RAD51B: variants seen among roughly 807,000 people sequenced by gnomAD.
RAD51B encodes the protein DNA repair protein RAD51 homolog 2.
Under a neutral mutation model 42.2 loss-of-function variants are expected in RAD51B, and 38 were observed. The observed-to-expected ratio is 0.90, with a 90% CI of 0.70 to 1.18. The LOEUF (loss-of-function observed/expected upper bound fraction) is 1.18. Ranked by LOEUF, RAD51B falls within the 50% of genes most tolerant of loss-of-function variation. The probability of loss-of-function intolerance (pLI) is 0.00; values close to 1 mark genes in which losing one functional copy is unlikely to be tolerated. For synonymous variants in RAD51B, 154 were observed against 145.2 expected (o/e 1.06, Z -0.43); for missense variants, 373 against 400.7 (o/e 0.93, Z 0.59).
In RAD51B at chr14:68,655,383, G is replaced by A. The variant is rs1029561341; in HGVS notation, c.*11+4527G>A. Among the ~76,000 whole-genome samples, 2 of 152,144 alleles carry A rather than the reference G, an allele frequency of 1.3e-5. 1 individual carries two copies. Among genetic ancestry groups the A allele is most frequent in the Admixed American group, 1.3e-4 (2 of 15,264 alleles). On this transcript the variant is annotated intron_variant, in intron 11 of 11. Transcript: ENST00000488612. ...CAGGTTTCAGGAACACATGGTGATG[G>A]GGGAGGGGAGGGGCTCAAATAGACG...
chr14:68,353,891 C>T (rs1339973811), intron 8 of RAD51B, among the ~76,000 whole-genome samples: 2 of 152,206 alleles, frequency 1.3e-5, no homozygotes, highest in South Asian at 2.1e-4. Flanking sequence ...AGGCCTTCCA[C>T]GTGGTGGAAC....
At chr14:68,115,520 A>G (rs1366915396) in intron 7 of RAD51B, among the ~76,000 whole-genome samples, 1 of 137,872 alleles carries the variant, frequency 7.3e-6, no homozygotes, top group Non-Finnish European at 1.5e-5. Context: ...CAATGTGCAC[A>G]TGTACCCTAA....
chr14:68,384,498 C>T (rs1313943725), intron 8 of RAD51B, among the ~76,000 whole-genome samples: 5 of 152,168 alleles, frequency 3.3e-5, no homozygotes, highest in Admixed American at 6.5e-5. Context: ...ATTTGTGAAG[C>T]GGTCGTTTGC....
chr14:67,993,711 C>G (rs1008042592), intron 7 of RAD51B, among the ~76,000 whole-genome samples: 3 of 152,094 alleles, frequency 2.0e-5, no homozygotes, highest in African/African-American at 7.2e-5. Flanking sequence ...GTATACCTAG[C>G]AGTGGGATTG....
chr14:67,986,712 A>C (rs1364830041), intron 7 of RAD51B, among the ~76,000 whole-genome samples: 1 of 152,094 alleles, frequency 6.6e-6, no homozygotes, highest in Non-Finnish European at 1.5e-5. Context: ...ACTCATCCAA[A>C]GATTTGTTGT....
chr14:68,141,594 G>C (rs2078129534), intron 7 of RAD51B, among the ~76,000 whole-genome samples: 1 of 152,132 alleles, frequency 6.6e-6, no homozygotes, highest in African/African-American at 2.4e-5. Flanking sequence ...AAAAGTTGCT[G>C]TGTTTTCTGA....
intron 9 of RAD51B, among the ~76,000 whole-genome samples, chr14:68,434,897 A>G (rs941848949): frequency 2.0e-5 from 3 of 151,504 alleles, no homozygotes; most frequent in African/African-American, 7.3e-5. Context: ...GCCCCACCAC[A>G]TTTTCTTTAT....
intron 4 of RAD51B, among the ~76,000 whole-genome samples, chr14:67,847,061 A>G (rs8015595): frequency 0.064 from 9,760 of 152,108 alleles, 702 homozygotes; most frequent in African/African-American, 0.18. Context: ...GGAGTCCTTG[A>G]GGGCCAGAAG....
At chr14:68,011,272 A>C (rs1483444576) in intron 7 of RAD51B, among the ~76,000 whole-genome samples, 1 of 151,974 alleles carries the variant, frequency 6.6e-6, no homozygotes, top group Non-Finnish European at 1.5e-5. Context: ...GTTATTTTTT[A>C]CTTACGTAAA....
chr14:68,474,492 G>C (rs757023568), intron 10 of RAD51B, among the ~76,000 whole-genome samples: 1 of 152,186 alleles, frequency 6.6e-6, no homozygotes. Flanking sequence ...TTCCCAGAAA[G>C]TGAGCTTTTA....
intron 7 of RAD51B, among the ~76,000 whole-genome samples, chr14:67,919,320 C>G (rs914205419): frequency 2.0e-5 from 3 of 152,156 alleles, no homozygotes; most frequent in Non-Finnish European, 4.4e-5. Context: ...GAGCTGAAGA[C>G]AGTTAAGATG....
intron 7 of RAD51B, among the ~76,000 whole-genome samples, chr14:68,126,239 G>A (rs180697794): frequency 1.3e-5 from 2 of 151,984 alleles, no homozygotes; most frequent in African/African-American, 4.8e-5. Context: ...ATTCATAATA[G>A]CACTTCCCTT....
chr14:68,243,849 A>T (rs2080440978), intron 7 of RAD51B, among the ~76,000 whole-genome samples: 1 of 152,196 alleles, frequency 6.6e-6, no homozygotes, highest in Non-Finnish European at 1.5e-5. Context: ...TTATGGGTGC[A>T]TCCCAATCTA....
At chr14:68,634,978 C>T (rs1228831152) in intron 10 of RAD51B, among the ~76,000 whole-genome samples, 3 of 152,126 alleles carry the variant, frequency 2.0e-5, no homozygotes, top group Non-Finnish European at 2.9e-5. Context: ...TATGATGATC[C>T]CCCTTTGGAT....
chr14:68,555,668 G>C (rs1888806986), intron 10 of RAD51B, among the ~76,000 whole-genome samples: 1 of 152,160 alleles, frequency 6.6e-6, no homozygotes, highest in Non-Finnish European at 1.5e-5. Flanking sequence ...GCACTGCTGA[G>C]TTACTTACTC....
chr14:67,944,711 C>G (rs1286837953), intron 7 of RAD51B, among the ~76,000 whole-genome samples: 2 of 152,088 alleles, frequency 1.3e-5, no homozygotes, highest in Non-Finnish European at 2.9e-5. Context: ...GCTCACATAC[C>G]TAGTGGTTGA....
At chr14:68,671,933 T>C (rs189836543) in intron 11 of RAD51B, among the ~76,000 whole-genome samples, 1 of 152,308 alleles carries the variant, frequency 6.6e-6, no homozygotes, top group African/African-American at 2.4e-5. Context: ...AGTGGTATAA[T>C]GGGTTTTCCT....
At chr14:68,054,789 A>G (rs1283533814) in intron 7 of RAD51B, among the ~76,000 whole-genome samples, 1 of 152,154 alleles carries the variant, frequency 6.6e-6, no homozygotes, top group African/African-American at 2.4e-5. Context: ...GTCCGTTGGA[A>G]GCATAGGCAA....
intron 10 of RAD51B, among the ~76,000 whole-genome samples, chr14:68,514,102 A>T (rs1285457434): frequency 6.6e-6 from 1 of 152,210 alleles, no homozygotes; most frequent in East Asian, 1.9e-4. Context: ...TCTGCTACTG[A>T]CTAGCTATGT....
Sources: gnomAD v4.1 joint callset for allele counts (sites outside exome capture counted in the v4.1 genomes callset) on GRCh38, gnomAD v4.1.1 for gene constraint, MANE v1.5 for transcripts, NCBI Gene and HGNC (gene_info 2026-07-23, HGNC 2026-07-21) for gene names.